Variants in EDIL3 observed in about 807,000 individuals in gnomAD.
EDIL3 encodes EGF-like repeat and discoidin I-like domain-containing protein 3.
In EDIL3, 37 loss-of-function variants were observed where a neutral mutation model predicts 67.4. That is an observed-to-expected ratio of 0.55 (90% CI 0.42 to 0.72). EDIL3 has a LOEUF of 0.72. Ranked by LOEUF, EDIL3 falls within the 30% of genes least tolerant of loss-of-function variation. The pLI is 0.00. For missense variants in EDIL3, 527 were observed against 586.3 expected, an observed-to-expected ratio of 0.90 and a Z score of 1.04; for synonymous variants, 195 against 196.3, an observed-to-expected ratio of 0.99 and a Z score of 0.05.
chr5:83,983,322 A>G (rs1241630046), intron 9 of EDIL3, among the ~76,000 whole-genome samples: 1 of 152,136 alleles, frequency 6.6e-6, no homozygotes, highest in Non-Finnish European at 1.5e-5. Context: ...AAGTCTGTGT[A>G]TATTAGGTAT....
chr5:84,065,276 G>A (rs2112240269), intron 7 of EDIL3, among the ~76,000 whole-genome samples: 1 of 152,258 alleles, frequency 6.6e-6, no homozygotes, highest in African/African-American at 2.4e-5. Flanking sequence ...CTAATGCTAT[G>A]ATTAGATTTA....
chr5:84,305,090 C>T (rs894281841), intron 1 of EDIL3, among the ~76,000 whole-genome samples: 11 of 151,950 alleles, frequency 7.2e-5, no homozygotes, highest in Non-Finnish European at 5.9e-5. Context: ...AAATCAACTT[C>T]GGTATAAGAA....
chr5:84,224,972 C>T (rs1580385725), intron 3 of EDIL3, among the ~76,000 whole-genome samples: 1 of 151,564 alleles, frequency 6.6e-6, no homozygotes, highest in African/African-American at 2.4e-5. Context: ...TATAACTCAG[C>T]TTGAAGAAAT....
At chr5:83,948,555 A>G (rs888372474) in intron 10 of EDIL3, among the ~76,000 whole-genome samples, 2 of 151,808 alleles carry the variant, frequency 1.3e-5, no homozygotes, top group Admixed American at 1.3e-4. Flanking sequence ...TCTAAAATTT[A>G]TGTTCTACTT....
chr5:83,948,390 A>G (rs1744350146), intron 10 of EDIL3, among the ~76,000 whole-genome samples: 1 of 151,792 alleles, frequency 6.6e-6, no homozygotes, highest in South Asian at 2.1e-4. Context: ...AACTTGAATC[A>G]ACGCTTTAAG....
chr5:84,109,094 T>C (rs925433639), intron 5 of EDIL3, among the ~76,000 whole-genome samples: 19 of 152,204 alleles, frequency 1.2e-4, no homozygotes, highest in African/African-American at 2.4e-5. Context: ...ACTGTTGTAT[T>C]TATCAGATAA....
intron 4 of EDIL3, among the ~76,000 whole-genome samples, chr5:84,171,245 T>A (rs1168329451): frequency 6.6e-6 from 1 of 152,160 alleles, no homozygotes; most frequent in Non-Finnish European, 1.5e-5. Flanking sequence ...AAGAAAAAAA[T>A]GTTTTACTGT....
intron 5 of EDIL3, among the ~76,000 whole-genome samples, chr5:84,109,603 A>G (rs1234299160): frequency 6.6e-6 from 1 of 152,206 alleles, no homozygotes; most frequent in Non-Finnish European, 1.5e-5. Context: ...TCTTATACAA[A>G]GTATTTTTGC....
intron 6 of EDIL3, among the ~76,000 whole-genome samples, chr5:84,093,621 A>G (rs939125326): frequency 6.6e-6 from 1 of 151,726 alleles, no homozygotes; most frequent in African/African-American, 2.4e-5. Context: ...TGGGTACTCA[A>G]AGTGGGAGAG....
At chr5:83,977,450 T>C (rs1226925336) in intron 9 of EDIL3, among the ~76,000 whole-genome samples, 1 of 151,864 alleles carries the variant, frequency 6.6e-6, no homozygotes, top group East Asian at 1.9e-4. Flanking sequence ...CAGGAAGTCA[T>C]GGTTTAACAA....
intron 1 of EDIL3, among the ~76,000 whole-genome samples, chr5:84,383,901 G>A (rs1423340592): frequency 6.6e-6 from 1 of 152,092 alleles, no homozygotes; most frequent in Non-Finnish European, 1.5e-5. Context: ...CTGACGCCCG[G>A]GCGCACTGGC....
At chr5:84,029,053 C>T (rs1449576253) in intron 9 of EDIL3, among the ~76,000 whole-genome samples, 9 of 151,978 alleles carry the variant, frequency 5.9e-5, no homozygotes, top group African/African-American at 9.7e-5. Flanking sequence ...GTCAGGAGAT[C>T]GAGACCATCC....
chr5:84,224,249 A>G (rs537250500), intron 3 of EDIL3, among the ~76,000 whole-genome samples: 51 of 151,500 alleles, frequency 3.4e-4, no homozygotes, highest in Non-Finnish European at 2.8e-4. Context: ...GTATTAAATG[A>G]TTTCCTTGAG....
intron 9 of EDIL3, among the ~76,000 whole-genome samples, chr5:84,053,707 G>C (rs577122274): frequency 3.3e-5 from 5 of 152,276 alleles, no homozygotes; most frequent in Non-Finnish European, 7.4e-5. Flanking sequence ...AGAAAATCTA[G>C]AAGAAATGGA....
At chr5:84,198,903 T>C (rs1309112022) in intron 3 of EDIL3, among the ~76,000 whole-genome samples, 1 of 152,068 alleles carries the variant, frequency 6.6e-6, no homozygotes, top group Admixed American at 6.6e-5. Flanking sequence ...TGGAATGAGA[T>C]TGCCTGGGCT....
chr5:83,999,777 A>G (rs889874394), intron 9 of EDIL3, among the ~76,000 whole-genome samples: 16 of 152,122 alleles, frequency 1.1e-4, no homozygotes, highest in African/African-American at 3.6e-4. Flanking sequence ...TGATATCAAT[A>G]ACCAAGTATA....
chr5:84,202,843 T>C (rs888968675), intron 3 of EDIL3, among the ~76,000 whole-genome samples: 3 of 152,062 alleles, frequency 2.0e-5, no homozygotes, highest in Non-Finnish European at 4.4e-5. Context: ...AAATATAATA[T>C]CTCCTATAAT....
chr5:84,383,578 C>A (rs187300121), intron 1 of EDIL3, among the ~76,000 whole-genome samples: 17 of 152,206 alleles, frequency 1.1e-4, no homozygotes, highest in Non-Finnish European at 2.1e-4. Flanking sequence ...GGGTGGCTTG[C>A]CCCGCACTAT....
intron 2 of EDIL3, among the ~76,000 whole-genome samples, chr5:84,242,767 C>T (rs1259032123): frequency 7.1e-6 from 1 of 140,022 alleles, no homozygotes; most frequent in Non-Finnish European, 1.5e-5. Flanking sequence ...CATTGCACTC[C>T]AGCATAGGCG....
Sources: allele counts gnomAD v4.1 joint callset (sites outside exome capture counted in the v4.1 genomes callset), GRCh38; gene constraint gnomAD v4.1.1; transcripts MANE v1.5; gene names NCBI Gene and HGNC (gene_info 2026-07-23, HGNC 2026-07-21).